KIFC3: variants seen among roughly 807,000 people sequenced by gnomAD.
KIFC3 encodes the protein kinesin family member C3.
A neutral mutation model predicts 101.8 loss-of-function variants in KIFC3; 60 were observed. The observed-to-expected ratio is 0.59, with a 90% CI of 0.48 to 0.73. The LOEUF (loss-of-function observed/expected upper bound fraction) is 0.73, where lower values mean the gene tolerates loss of function less well. Ranked by LOEUF, KIFC3 falls within the 30% of genes least tolerant of loss-of-function variation. The pLI, the probability that KIFC3 is intolerant of heterozygous loss-of-function variation, is 0.00. For synonymous variants in KIFC3, 476 were observed against 482.7 expected, an observed-to-expected ratio of 0.99 and a Z score of 0.18; for missense variants, 966 against 1,137.1, an observed-to-expected ratio of 0.85 and a Z score of 2.16.
intron 1 of KIFC3, among the ~76,000 whole-genome samples, chr16:57,848,272 A>ATTTGTTTTTATG (rs2055978582): frequency 6.6e-6 from 1 of 152,214 alleles, no homozygotes; most frequent in Non-Finnish European, 1.5e-5. Context: ...ATGATCAAGC[A>ATTTGTTTTTATG]AACAGAGAGT....
In KIFC3 at chr16:57,795,002, C is replaced by A. The variant is rs782009507; in HGVS notation, c.312G>T (p.Leu104=). 31 of 1,575,024 alleles carry A rather than the reference C, an allele frequency of 2.0e-5. No homozygotes were observed. The highest frequency in any genetic ancestry group is 2.6e-5 in the Non-Finnish European group (30 of 1,166,962). ...PGSPHGLYLT[L]QVEHLKEKLI... The stretch of plus-strand genomic sequence containing the variant: ...CCTGGAAGGCCCCAGTGCTTACCTG[C>A]AGGGTCAGGTAGAGCCCGTGGGGGC... Residue 104 remains leucine (L), a synonymous_variant, in exon 3 of 20, where the codon CTG becomes CTT. Transcript: ENST00000445690.
chr16:57,856,158 T>A (rs2056162208), intron 1 of KIFC3, among the ~76,000 whole-genome samples: 1 of 150,586 alleles, frequency 6.6e-6, no homozygotes, highest in African/African-American at 2.5e-5. Flanking sequence ...ACCCTGTCTG[T>A]ATATAACTAA....
chr16:57,766,197 T>C (rs985904699), intron 10 of KIFC3, among the ~76,000 whole-genome samples: 4 of 152,190 alleles, frequency 2.6e-5, no homozygotes, highest in Non-Finnish European at 5.9e-5. Flanking sequence ...CCCTGTGCTC[T>C]TGGAATGAAG....
At position 57,769,549 on chromosome 16, in the gene KIFC3, G is replaced by C; in HGVS notation, c.1218+46C>G. On this transcript the variant is annotated intron_variant, in intron 9 of 19. Coordinates refer to ENST00000445690, the MANE Select transcript of KIFC3 (RefSeq NM_001130100.2). This position sits in a 1 kb window ranked among gnomAD's most constrained non-coding sequence, Gnocchi z 4.3. Reference sequence around the variant, plus strand: ...CTGAGTGGATGTCGTGCCTCTCCCAGTGCACCCCCTTAGCCTGGACCCTCC... The same window carrying C: ...CTGAGTGGATGTCGTGCCTCTCCCACTGCACCCCCTTAGCCTGGACCCTCC... 1.3e-6 allele frequency: 2 copies of C among 1,571,944 alleles called. No individual in the cohort carries two copies. The highest frequency in any genetic ancestry group is 8.6e-7 in the Non-Finnish European group (1 of 1,159,622).
chr16:57,823,104 C>T (rs782526362), intron 1 of KIFC3, among the ~76,000 whole-genome samples: 5 of 152,180 alleles, frequency 3.3e-5, no homozygotes, highest in African/African-American at 4.8e-5. Flanking sequence ...AGTCGACCAG[C>T]ATTAACATCA....
In KIFC3 at chr16:57,860,092, T is replaced by A. The variant is rs528849403; in HGVS notation, c.108+2637A>T. On this transcript the variant is annotated intron_variant, in intron 1 of 2. Coordinates refer to the KIFC3 transcript ENST00000563028. ...TAAAATAAAATAAAATAAAATAAAA[T>A]AAAAACAAGTGGGGCAGGTGAAGCT... Among the ~76,000 whole-genome samples, 29 of 127,344 alleles carry A rather than the reference T, an allele frequency of 2.3e-4. 1 individual carries two copies. Among genetic ancestry groups the A allele is most frequent in the East Asian group, 7.1e-4 (2 of 2,826 alleles). The allele number at this position is 127,344 out of a possible 152,430, so 83.5% of individuals were successfully genotyped here.
intron 12 of KIFC3, 60 bp downstream of exon 12, chr16:57,764,083 G>A: frequency 8.3e-7 from 1 of 1,208,578 alleles, no homozygotes; most frequent in Non-Finnish European, 1.2e-6. Context: ...AGACCAATGA[G>A]GGAGCCCGCA....
chr16:57,798,371 C>T (rs1357127833), intron 1 of KIFC3, 89 bp from the exon 2 acceptor site: 12 of 1,197,344 alleles, frequency 1.0e-5, no homozygotes, highest in Middle Eastern at 2.6e-4. Flanking sequence ...GAAGGGTCTA[C>T]GCCCCACCGG....
intron 1 of KIFC3, among the ~76,000 whole-genome samples, chr16:57,813,276 C>T (rs1248232153): frequency 5.3e-5 from 8 of 151,912 alleles, no homozygotes; most frequent in African/African-American, 1.4e-4. Flanking sequence ...TGCAGTGAGC[C>T]GAGATTGCGC....
At chr16:57,824,421 A>C (rs1428314847) in intron 1 of KIFC3, among the ~76,000 whole-genome samples, 1 of 149,602 alleles carries the variant, frequency 6.7e-6, no homozygotes, top group Non-Finnish European at 1.5e-5. Flanking sequence ...AGTGGCTCAC[A>C]CCTGTAATCC....
chr16:57,858,922 C>T (rs183251283), intron 1 of KIFC3, among the ~76,000 whole-genome samples: 3 of 152,104 alleles, frequency 2.0e-5, no homozygotes. Flanking sequence ...TGCTTTCCAA[C>T]CTGGGCAACA....
At chr16:57,773,017 G>A (rs1452203631) in intron 3 of KIFC3, among the ~76,000 whole-genome samples, 7 of 152,046 alleles carry the variant, frequency 4.6e-5, no homozygotes, top group South Asian at 2.1e-4. Flanking sequence ...ACCCTTCCCC[G>A]GCGCTGTCCT....
intron 3 of KIFC3, among the ~76,000 whole-genome samples, chr16:57,781,192 G>A (rs77414536): frequency 0.047 from 7,178 of 152,248 alleles, 307 homozygotes; most frequent in East Asian, 0.14. Flanking sequence ...GTGGACACCT[G>A]TGGTCCTAGT....
intron 3 of KIFC3, among the ~76,000 whole-genome samples, chr16:57,789,689 T>C (rs893875486): frequency 6.6e-6 from 1 of 152,238 alleles, no homozygotes. Flanking sequence ...GGCATTTGAA[T>C]TGTTAACCTT....
At chr16:57,810,637 G>A (rs2055048692) in intron 1 of KIFC3, 4 of 985,380 alleles carry the variant, frequency 4.1e-6, no homozygotes, top group South Asian at 4.7e-5. Flanking sequence ...CAACCAGAAT[G>A]TGCAGGGCCC....
At chr16:57,825,379 T>A (rs2055437247) in intron 1 of KIFC3, among the ~76,000 whole-genome samples, 1 of 152,180 alleles carries the variant, frequency 6.6e-6, no homozygotes, top group East Asian at 1.9e-4. Context: ...GACTTTCGGC[T>A]CCATTCATGA....
intron 1 of KIFC3, among the ~76,000 whole-genome samples, chr16:57,810,215 G>A (rs888804535): frequency 4.6e-5 from 7 of 152,178 alleles, no homozygotes; most frequent in Non-Finnish European, 1.0e-4. Flanking sequence ...CCTCCTGGGT[G>A]GGGAGATGGG....
intron 1 of KIFC3, chr16:57,813,711 G>A (rs568917833): frequency 4.6e-5 from 45 of 984,090 alleles, no homozygotes; most frequent in South Asian, 1.4e-4. Context: ...CCCTGCACCC[G>A]GGCACCACTC....
intron 3 of KIFC3, among the ~76,000 whole-genome samples, chr16:57,794,657 C>T (rs2054150077): frequency 1.3e-5 from 2 of 152,214 alleles, no homozygotes; most frequent in African/African-American, 2.4e-5. Flanking sequence ...CAAGGAAATA[C>T]TCACATAACC....
Sources: gnomAD v4.1 joint callset for allele counts (sites outside exome capture counted in the v4.1 genomes callset) on GRCh38, gnomAD v4.1.1 for gene constraint, Gnocchi (gnomAD v3.1) non-coding constraint, MANE v1.5 for transcripts, NCBI Gene and HGNC (gene_info 2026-07-23, HGNC 2026-07-21) for gene names.